The following PKHD1 variants were observed in gnomAD, a reference collection of about 807,000 sequenced individuals.
The protein encoded by PKHD1 is PKHD1 ciliary IPT domain containing fibrocystin/polyductin.
Under a neutral mutation model 412.0 loss-of-function variants are expected in PKHD1, and 291 were observed. The ratio of observed to expected loss-of-function variants is 0.71; its 90% CI spans 0.64 to 0.78. The LOEUF is 0.78. Among genes scored for constraint, PKHD1 ranks in the 30% least tolerant of loss-of-function variants. The pLI is 0.00. For synonymous variants in PKHD1, 1,777 were observed against 1,821.5 expected (o/e 0.98, Z 0.62); for missense variants, 4,825 against 4,950.7 (o/e 0.97, Z 0.76).
At chr6:51,867,280 T>C (rs1359992260) in intron 48 of PKHD1, among the ~76,000 whole-genome samples, 1 of 152,168 alleles carries the variant, frequency 6.6e-6, no homozygotes, top group Non-Finnish European at 1.5e-5. Flanking sequence ...CTATTATGCA[T>C]TATAAACAGC....
rs368007812 is a variant in PKHD1 at position 51,750,927 on chromosome 6, C to A, written c.8951-2262G>T. Among the ~76,000 whole-genome samples the A allele has an allele frequency of 3.3e-5, 5 of 152,142 alleles. No homozygotes were observed. In the South Asian group the frequency reaches 1.0e-3, roughly 32 times the overall value. Reference sequence around the variant, plus strand: ...AAGTAGCTGGGACTACAGGTGCATGCCACCATGCTTGGCTAATTTTTATAT... The same window carrying A: ...AAGTAGCTGGGACTACAGGTGCATGACACCATGCTTGGCTAATTTTTATAT... On this transcript the variant is annotated intron_variant, in intron 57 of 66. Coordinates refer to ENST00000371117, the MANE Select transcript of PKHD1 (RefSeq NM_138694.4).
intron 60 of PKHD1, among the ~76,000 whole-genome samples, chr6:51,719,946 C>T (rs139224010): frequency 2.0e-3 from 300 of 152,192 alleles, no homozygotes; most frequent in African/African-American, 7.0e-3. Flanking sequence ...TTTTACTATG[C>T]ATATTTTTAA....
At chr6:51,945,314 T>C (rs1483827185) in intron 36 of PKHD1, among the ~76,000 whole-genome samples, 1 of 152,230 alleles carries the variant, frequency 6.6e-6, no homozygotes. Context: ...AAGGTTCCTG[T>C]CCTGAGTCTG....
At chr6:51,626,707 C>A (rs574348521) in intron 66 of PKHD1, among the ~76,000 whole-genome samples, 1 of 152,218 alleles carries the variant, frequency 6.6e-6, no homozygotes, top group South Asian at 2.1e-4. Flanking sequence ...AGATTATATG[C>A]CTATACTCTG....
At chr6:51,745,016 G>A (rs1184479043) in intron 59 of PKHD1, among the ~76,000 whole-genome samples, 5 of 152,002 alleles carry the variant, frequency 3.3e-5, no homozygotes, top group African/African-American at 1.2e-4. Flanking sequence ...AGCCAAACAT[G>A]GCACTGCACT....
intron 5 of PKHD1, among the ~76,000 whole-genome samples, chr6:52,077,933 T>C (rs1199463787): frequency 1.4e-5 from 2 of 144,436 alleles, no homozygotes; most frequent in African/African-American, 5.0e-5. Flanking sequence ...AACTGGACTA[T>C]ATCATAGGAG....
At chr6:51,982,678 GCCGCAGGGT>G (rs1795620516) in intron 35 of PKHD1, among the ~76,000 whole-genome samples, 1 of 146,666 alleles carries the variant, frequency 6.8e-6, no homozygotes, top group Admixed American at 6.8e-5. Context: ...ACTGCGGAAG[GCCGCAGGGT>G]CCTCTGCCTA....
intron 61 of PKHD1, among the ~76,000 whole-genome samples, 168 bp from the exon 62 acceptor site, chr6:51,649,388 G>T (rs1251540947): frequency 1.3e-5 from 2 of 152,070 alleles, no homozygotes; most frequent in Non-Finnish European, 2.9e-5. Flanking sequence ...GGTTAATTGT[G>T]TATGTATTTG....
At position 51,659,498 on chromosome 6, in the gene PKHD1, A is replaced by G. The variant is rs1554183398; in HGVS notation, c.10628T>C (p.Leu3543Ser). 1 of 1,613,308 alleles carries G rather than the reference A, an allele frequency of 6.2e-7. No individual in the cohort carries two copies. Among genetic ancestry groups the G allele is most frequent in the Non-Finnish European group, 8.5e-7 (1 of 1,179,468 alleles). ...ANYFNIMDNL[L>S]YVVLQGEEPI... ...CTCCTCTCCTTGTAGGACAACATAC[A>G]AGAGGTTATCCATGATGTTGAAATA... Residue 3543 changes from leucine to serine, a missense_variant, in exon 61 of 67, where the codon TTG (leucine) becomes TCG (serine). By Grantham distance (145) the Leu-to-Ser change is moderately radical. Transcript: ENST00000371117.
intron 60 of PKHD1, among the ~76,000 whole-genome samples, chr6:51,739,480 CT>C (rs1362347091): frequency 1.3e-5 from 2 of 152,274 alleles, no homozygotes; most frequent in East Asian, 1.9e-4. Context: ...ATCTGCCTGC[CT>C]CAGCCTCCCA....
At chr6:51,717,865 G>T (rs939794167) in intron 60 of PKHD1, among the ~76,000 whole-genome samples, 2 of 152,148 alleles carry the variant, frequency 1.3e-5, no homozygotes, top group African/African-American at 4.8e-5. Context: ...CAAAAAGATG[G>T]ATCTCTTAAA....
chr6:51,994,877 C>G (rs1797534994), intron 35 of PKHD1, among the ~76,000 whole-genome samples: 1 of 152,128 alleles, frequency 6.6e-6, no homozygotes, highest in Non-Finnish European at 1.5e-5. Flanking sequence ...GCCATCTCGC[C>G]CAGCCATGAG....
intron 9 of PKHD1, 91 bp downstream of exon 9, chr6:52,070,915 C>T (rs1252610703): frequency 5.0e-6 from 4 of 802,058 alleles, no homozygotes; most frequent in Non-Finnish European, 9.0e-6. Context: ...TTATTATTAT[C>T]CTCATGAGAA....
chr6:51,954,934 CA>C, intron 36 of PKHD1, among the ~76,000 whole-genome samples: 2 of 152,168 alleles, frequency 1.3e-5, no homozygotes, highest in South Asian at 4.1e-4. Context: ...CTACAGACCA[CA>C]ACCCAAGATC....
At chr6:51,936,966 G>A (rs1787597716) in intron 36 of PKHD1, among the ~76,000 whole-genome samples, 1 of 152,156 alleles carries the variant, frequency 6.6e-6, no homozygotes, top group Admixed American at 6.5e-5. Context: ...TCCTTTTCTG[G>A]ATCTTTACCC....
rs967818122 is a variant in PKHD1, at chr6:51,665,162, C to CA, written c.10157-5194dup. ...TTTCTACCCTAGGAAAAATACCGTA[C>CA]AAAAAAAATCTGTAATAAATAACAA... On this transcript the variant is annotated intron_variant, in intron 60 of 66. Transcript: ENST00000371117. 1.6e-4 allele frequency among the ~76,000 whole-genome samples: 25 copies of CA among 151,840 alleles called. No individual in the cohort carries two copies. The South Asian group carries it at 1.7e-3, about 10-fold the overall frequency.
chr6:51,699,112 T>C (rs914996440), intron 60 of PKHD1, among the ~76,000 whole-genome samples: 5 of 152,178 alleles, frequency 3.3e-5, no homozygotes, highest in African/African-American at 1.2e-4. Flanking sequence ...ATGGTAATTT[T>C]TTTCTTTTGT....
Position 52,066,048 on chromosome 6 carries a change from T to C in PKHD1, c.808A>G (p.Ser270Gly). ...GTGATGTTTGTTCTTCCCCCAAGGC[T>C]CCCAGTTTCTGGAAACACAGATAAT... ...EILSVFPETG[S>G]LGGRTNITIT... The change falls in exon 12 of 67, where the codon AGC (serine) becomes GGC (glycine). Residue 270 changes from serine to glycine, a missense_variant. Coordinates refer to ENST00000371117, the MANE Select transcript of PKHD1 (RefSeq NM_138694.4). The C allele has an allele frequency of 6.3e-7, 1 of 1,588,856 alleles. No homozygotes were observed. Among genetic ancestry groups the C allele is most frequent in the Non-Finnish European group, 8.6e-7 (1 of 1,159,500 alleles).
chr6:51,939,820 A>G (rs1788182670), intron 36 of PKHD1, among the ~76,000 whole-genome samples: 1 of 150,830 alleles, frequency 6.6e-6, no homozygotes, highest in Non-Finnish European at 1.5e-5. Context: ...CCTCCTCCCC[A>G]GGCTGCTCCT....
Sources: gnomAD v4.1 joint callset for allele counts (sites outside exome capture counted in the v4.1 genomes callset) on GRCh38, gnomAD v4.1.1 for gene constraint, MANE v1.5 for transcripts, NCBI Gene and HGNC (gene_info 2026-07-23, HGNC 2026-07-21) for gene names.